The following NKAIN3 variants were observed in gnomAD, a reference collection of about 807,000 sequenced individuals.
NKAIN3 encodes sodium/potassium-transporting ATPase subunit beta-1-interacting protein 3.
Under a neutral mutation model 30.2 loss-of-function variants are expected in NKAIN3, and 25 were observed. That is an observed-to-expected ratio of 0.83 (90% CI 0.60 to 1.16). The LOEUF is 1.16. NKAIN3 is among the 50% of genes most tolerant of loss of function. The pLI is 0.00. For synonymous variants in NKAIN3, 91 were observed against 89.6 expected, an observed-to-expected ratio of 1.02 and a Z score of -0.09; for missense variants, 225 against 254.1, an observed-to-expected ratio of 0.89 and a Z score of 0.78.
At chr8:62,775,025 T>A (rs548064713) in intron 4 of NKAIN3, among the ~76,000 whole-genome samples, 18 of 152,274 alleles carry the variant, frequency 1.2e-4, no homozygotes, top group Admixed American at 1.2e-3. Flanking sequence ...AGTGAAGCTA[T>A]CACGTCCCAA....
intron 1 of NKAIN3, among the ~76,000 whole-genome samples, chr8:62,376,994 C>T (rs1039334789): frequency 5.9e-5 from 9 of 151,988 alleles, no homozygotes; most frequent in Non-Finnish European, 1.2e-4. Flanking sequence ...ACATTGTATG[C>T]AGATAAAGCA....
intron 1 of NKAIN3, among the ~76,000 whole-genome samples, chr8:62,360,938 G>A (rs1417940044): frequency 6.6e-6 from 1 of 151,120 alleles, no homozygotes; most frequent in Non-Finnish European, 1.5e-5. Context: ...ACTGGGTTTT[G>A]TTTTATCTTC....
At chr8:62,872,757 A>G (rs1165869731) in intron 4 of NKAIN3, among the ~76,000 whole-genome samples, 1 of 152,228 alleles carries the variant, frequency 6.6e-6, no homozygotes, top group Non-Finnish European at 1.5e-5. Context: ...TTTCATATCC[A>G]GCCAAATTAA....
chr8:62,317,996 T>C (rs376275538), intron 1 of NKAIN3, among the ~76,000 whole-genome samples: 2 of 152,152 alleles, frequency 1.3e-5, no homozygotes, highest in Admixed American at 1.3e-4. Context: ...CCTTCACGTC[T>C]CTTGTAAGTT....
intron 1 of NKAIN3, among the ~76,000 whole-genome samples, chr8:62,290,484 G>C (rs2887850): frequency 6.6e-6 from 1 of 152,136 alleles, no homozygotes; most frequent in Admixed American, 6.5e-5. Context: ...GGCCTTTTCT[G>C]CATCTATTGA....
intron 3 of NKAIN3, among the ~76,000 whole-genome samples, chr8:62,601,610 A>G (rs570883904): frequency 1.3e-5 from 2 of 152,150 alleles, no homozygotes; most frequent in South Asian, 2.1e-4. Flanking sequence ...ATTTTTGTCT[A>G]TAATATTGAC....
rs528996431 is a variant in NKAIN3, at chr8:62,642,749, G to A, written c.273+52955G>A. 6.6e-5 allele frequency among the ~76,000 whole-genome samples: 10 copies of A among 152,066 alleles called. No homozygotes were observed. In the East Asian group the frequency reaches 1.5e-3, roughly 24 times the overall value. The stretch of plus-strand genomic sequence containing the variant: ...TAGGTAGTTTACTTTGTCCAAAGTC[G>A]TGTTAAGTACAAATGAAATAATGAT... On this transcript the variant is annotated intron_variant, in intron 3 of 6. Transcript: ENST00000623646.
intron 1 of NKAIN3, chr8:62,383,674 G>T (rs560862221): frequency 6.0e-5 from 23 of 384,958 alleles, no homozygotes; most frequent in Non-Finnish European, 1.0e-4. Flanking sequence ...TCCAACTTTC[G>T]GTCCTTCACC....
intron 1 of NKAIN3, among the ~76,000 whole-genome samples, chr8:62,467,970 A>T (rs1806215187): frequency 6.6e-6 from 1 of 151,996 alleles, no homozygotes; most frequent in African/African-American, 2.4e-5. Context: ...AGGGGGTTTC[A>T]CCATGTTGCC....
intron 4 of NKAIN3, among the ~76,000 whole-genome samples, chr8:62,758,570 A>C (rs909088098): frequency 6.6e-6 from 1 of 152,144 alleles, no homozygotes; most frequent in Non-Finnish European, 1.5e-5. Context: ...ACTTTTGGAA[A>C]TACTCCCAGG....
At chr8:62,504,051 C>A (rs996353293) in intron 1 of NKAIN3, among the ~76,000 whole-genome samples, 2 of 152,204 alleles carry the variant, frequency 1.3e-5, no homozygotes, top group Non-Finnish European at 2.9e-5. Context: ...TATTCCTCTG[C>A]CACGGCGCCA....
chr8:62,567,159 G>C lies in NKAIN3; in HGVS notation c.55-12380G>C, dbSNP rs543989305. ...TGAAAACTTCCAGTGGATTCAGGAT[G>C]GTGTGGGAGAAGTCCTGGTCACCTA... On this transcript the variant is annotated intron_variant, in intron 1 of 6. Transcript: ENST00000623646. 3.3e-5 allele frequency among the ~76,000 whole-genome samples: 5 copies of C among 152,222 alleles called. No individual in the cohort carries two copies. The East Asian group carries it at 9.7e-4, about 29-fold the overall frequency.
At chr8:62,711,838 G>A (rs1814731717) in intron 3 of NKAIN3, among the ~76,000 whole-genome samples, 2 of 152,134 alleles carry the variant, frequency 1.3e-5, no homozygotes, top group Admixed American at 1.3e-4. Context: ...TACCAGGGTT[G>A]GTTTTCTGGT....
At chr8:62,423,418 A>T (rs1015059900) in intron 1 of NKAIN3, among the ~76,000 whole-genome samples, 3 of 149,326 alleles carry the variant, frequency 2.0e-5, no homozygotes, top group Non-Finnish European at 4.4e-5. Context: ...TATATATAAC[A>T]TTCATATTAT....
intron 4 of NKAIN3, among the ~76,000 whole-genome samples, chr8:62,908,333 A>G (rs1035302943): frequency 1.3e-5 from 2 of 151,804 alleles, no homozygotes; most frequent in African/African-American, 4.9e-5. Context: ...TTTATCTCAG[A>G]TGAGACTTTG....
intron 1 of NKAIN3, among the ~76,000 whole-genome samples, chr8:62,389,544 A>G (rs912250170): frequency 2.0e-5 from 3 of 152,182 alleles, no homozygotes; most frequent in South Asian, 4.1e-4. Flanking sequence ...AGGGTACAGA[A>G]AAGGTTTAAT....
At chr8:62,331,159 C>A (rs542495954) in intron 1 of NKAIN3, among the ~76,000 whole-genome samples, 13 of 146,646 alleles carry the variant, frequency 8.9e-5, no homozygotes, top group Non-Finnish European at 1.6e-4. Context: ...CCTCTTCCTC[C>A]CCCCCAAAGC....
At chr8:62,477,869 A>T (rs1242866774) in intron 1 of NKAIN3, among the ~76,000 whole-genome samples, 1 of 152,196 alleles carries the variant, frequency 6.6e-6, no homozygotes, top group Non-Finnish European at 1.5e-5. Flanking sequence ...AACAATATTT[A>T]AAAAGCATGT....
At chr8:62,482,459 C>T (rs1290198926) in intron 1 of NKAIN3, 5 of 152,220 alleles carry the variant, frequency 3.3e-5, no homozygotes, top group Non-Finnish European at 5.9e-5. Context: ...TCAAATTGTG[C>T]TCAGGGAGAG....
Sources: allele counts gnomAD v4.1 joint callset (sites outside exome capture counted in the v4.1 genomes callset), GRCh38; gene constraint gnomAD v4.1.1; transcripts MANE v1.5; gene names NCBI Gene and HGNC (gene_info 2026-07-23, HGNC 2026-07-21).